SLCO3A1: variants seen among roughly 807,000 people sequenced by gnomAD.
The protein encoded by SLCO3A1 is PGE1 transporter.
A neutral mutation model predicts 63.1 loss-of-function variants in SLCO3A1; 27 were observed. The observed-to-expected ratio is 0.43, with a 90% CI of 0.32 to 0.59. The LOEUF is 0.59. Among genes scored for constraint, SLCO3A1 ranks in the 20% least tolerant of loss-of-function variants. The probability of loss-of-function intolerance (pLI) is 0.09; values close to 1 mark genes in which losing one functional copy is unlikely to be tolerated. For synonymous variants in SLCO3A1, 473 were observed against 409.9 expected (o/e 1.15, Z -1.86); for missense variants, 773 against 945.8 (o/e 0.82, Z 2.40).
intron 2 of SLCO3A1, among the ~76,000 whole-genome samples, chr15:92,093,874 T>C (rs2047507233): frequency 6.6e-6 from 1 of 152,050 alleles, no homozygotes. Context: ...GCAAGTGACA[T>C]TCATCTCTCA....
chr15:92,002,904 T>G (rs2046272194), intron 2 of SLCO3A1, among the ~76,000 whole-genome samples: 1 of 152,160 alleles, frequency 6.6e-6, no homozygotes, highest in Non-Finnish European at 1.5e-5. Context: ...CAGTTCTACT[T>G]AATAGCTGTA....
At chr15:92,074,246 A>AT (rs977412240) in intron 2 of SLCO3A1, among the ~76,000 whole-genome samples, 5 of 151,940 alleles carry the variant, frequency 3.3e-5, no homozygotes, top group Non-Finnish European at 4.4e-5. Flanking sequence ...TTTCCTTATA[A>AT]TTTTTTTTAA....
intron 2 of SLCO3A1, among the ~76,000 whole-genome samples, chr15:91,923,336 A>G (rs1898910106): frequency 6.6e-6 from 1 of 152,192 alleles, no homozygotes; most frequent in South Asian, 2.1e-4. Flanking sequence ...GAGCCCTTGG[A>G]ACCTGATTTT....
At chr15:92,046,386 C>T (rs920098162) in intron 2 of SLCO3A1, among the ~76,000 whole-genome samples, 2 of 151,716 alleles carry the variant, frequency 1.3e-5, no homozygotes, top group Non-Finnish European at 1.5e-5. Context: ...AATACCTGGG[C>T]GATGTGGCTG....
intron 2 of SLCO3A1, among the ~76,000 whole-genome samples, chr15:91,998,979 C>T (rs1273346965): frequency 6.6e-6 from 1 of 152,228 alleles, no homozygotes; most frequent in African/African-American, 2.4e-5. Flanking sequence ...AAGTCATGTC[C>T]TTTGTAGGAA....
intron 2 of SLCO3A1, among the ~76,000 whole-genome samples, chr15:92,001,677 A>G (rs1026414635): frequency 6.6e-6 from 1 of 152,234 alleles, no homozygotes; most frequent in African/African-American, 2.4e-5. Flanking sequence ...TTATCAACAC[A>G]GTAGGGTTTC....
At chr15:92,044,289 C>G (rs976530475) in intron 2 of SLCO3A1, among the ~76,000 whole-genome samples, 5 of 152,150 alleles carry the variant, frequency 3.3e-5, no homozygotes, top group African/African-American at 1.2e-4. Context: ...ATGTGTACCC[C>G]CCGAAACCAA....
chr15:91,917,051 AG>A (rs1898686387), intron 2 of SLCO3A1, among the ~76,000 whole-genome samples: 1 of 152,216 alleles, frequency 6.6e-6, no homozygotes, highest in African/African-American at 2.4e-5. Context: ...TTATACTGGA[AG>A]GATGGAAACC....
downstream of SLCO3A1, among the ~76,000 whole-genome samples, chr15:92,166,857 T>C (rs1262976406): frequency 3.3e-5 from 5 of 152,214 alleles, no homozygotes; most frequent in Admixed American, 2.6e-4. Flanking sequence ...TGCCGCCTGC[T>C]GCTTCCGGTC....
At chr15:91,932,710 T>C (rs1161683214) in intron 2 of SLCO3A1, among the ~76,000 whole-genome samples, 4 of 152,248 alleles carry the variant, frequency 2.6e-5, no homozygotes, top group African/African-American at 9.6e-5. Context: ...CCCAAAGTGC[T>C]GAGATTACAG....
At chr15:92,117,941 T>C (rs943016642) in intron 4 of SLCO3A1, among the ~76,000 whole-genome samples, 2 of 152,222 alleles carry the variant, frequency 1.3e-5, no homozygotes, top group Admixed American at 1.3e-4. Context: ...ATAATGTGGA[T>C]TTAACACAGG....
At chr15:91,878,316 G>A (rs955091784) in intron 1 of SLCO3A1, among the ~76,000 whole-genome samples, 1 of 151,890 alleles carries the variant, frequency 6.6e-6, no homozygotes, top group Non-Finnish European at 1.5e-5. Flanking sequence ...GTGACCTCAG[G>A]TGACCCGCCC....
At chr15:92,120,064 T>G (rs1433655739) in intron 4 of SLCO3A1, among the ~76,000 whole-genome samples, 2 of 151,424 alleles carry the variant, frequency 1.3e-5, no homozygotes, top group African/African-American at 4.9e-5. Flanking sequence ...TATTTATACT[T>G]TATTTTATAT....
intron 4 of SLCO3A1, among the ~76,000 whole-genome samples, chr15:92,110,481 G>T (rs1029426578): frequency 6.6e-6 from 1 of 151,862 alleles, no homozygotes; most frequent in African/African-American, 2.4e-5. Flanking sequence ...TTCCCTCCAC[G>T]CCCACCTCAC....
chr15:92,095,037 T>C (rs1414830818), intron 3 of SLCO3A1, 58 bp downstream of exon 3: 2 of 1,211,032 alleles, frequency 1.7e-6, no homozygotes, highest in South Asian at 1.2e-5. Flanking sequence ...CCCTCATAAA[T>C]GCGGCTTCAG....
intron 4 of SLCO3A1, 137 bp from the exon 5 acceptor site, chr15:92,120,328 C>A: frequency 1.1e-6 from 1 of 876,930 alleles, no homozygotes; most frequent in Non-Finnish European, 1.8e-6. Context: ...TTGGCCTTAG[C>A]AACTGGGTAC....
In SLCO3A1 at chr15:92,162,538, T is replaced by G. The variant is rs548068654; in HGVS notation, c.1754-218T>G. 3.7e-5 allele frequency: 24 copies of G among 651,154 alleles called. No individual in the cohort carries two copies. In the African/African-American group the frequency reaches 3.7e-4, roughly 10 times the overall value. The allele number at this position is 651,154 out of a possible 1,614,324, so 40.3% of individuals were successfully genotyped here. A position where few individuals can be genotyped will look rare whatever the true frequency, so the allele number is the denominator to read the frequency against. ...ATCCCCATTTTGCAGATGAGGAAAC[T>G]AAGGCAGGAGGGCTTAAATAACTTG... On this transcript the variant is annotated intron_variant, in intron 9 of 9. Transcript: ENST00000318445.
In SLCO3A1 at chr15:91,859,710, G is replaced by A. The variant is rs1448249781; in HGVS notation, c.180+5622G>A. On this transcript the variant is annotated intron_variant, in intron 1 of 9. Coordinates refer to ENST00000318445, the MANE Select transcript of SLCO3A1 (RefSeq NM_013272.4). The surrounding 1 kb of genome is among the most constrained non-coding windows in gnomAD (Gnocchi z 5.1). Reference sequence around the variant, plus strand: ...TACCTACCCTCTGTTTTGCTGTGAGGATGAACTGAGTCAGTACATGTAAAG... The same window carrying A: ...TACCTACCCTCTGTTTTGCTGTGAGAATGAACTGAGTCAGTACATGTAAAG... Among the ~76,000 whole-genome samples the A allele has an allele frequency of 6.6e-6, 1 of 152,104 alleles. No individual in the cohort carries two copies. The highest frequency in any genetic ancestry group is 1.9e-4 in the East Asian group (1 of 5,190).
intron 1 of SLCO3A1, among the ~76,000 whole-genome samples, chr15:91,899,793 C>T (rs1024842481): frequency 6.6e-6 from 1 of 152,078 alleles, no homozygotes; most frequent in African/African-American, 2.4e-5. Context: ...TTCCAGACAA[C>T]CTACTTTCTT....
Sources: gnomAD v4.1 joint callset for allele counts (sites outside exome capture counted in the v4.1 genomes callset) on GRCh38, gnomAD v4.1.1 for gene constraint, Gnocchi (gnomAD v3.1) non-coding constraint, MANE v1.5 for transcripts, NCBI Gene and HGNC (gene_info 2026-07-23, HGNC 2026-07-21) for gene names.